The following EP400 variants were observed in gnomAD, a reference collection of about 807,000 sequenced individuals.
The protein encoded by EP400 is E1A binding protein p400.
Under a neutral mutation model 354.1 loss-of-function variants are expected in EP400, and 105 were observed. The observed-to-expected ratio is 0.30, with a 90% confidence interval of 0.25 to 0.35. EP400 has a LOEUF of 0.35. Ranked by LOEUF, EP400 falls within the 10% of genes least tolerant of loss-of-function variation. EP400 has a pLI of 1.00. For synonymous variants in EP400, 1,646 were observed against 1,716.9 expected (o/e 0.96, Z 1.02); for missense variants, 3,280 against 4,121.0 (o/e 0.80, Z 5.59).
At chr12:131,967,081 C>CA (rs1566164388) in intron 2 of EP400, among the ~76,000 whole-genome samples, 1 of 151,282 alleles carries the variant, frequency 6.6e-6, no homozygotes, top group Non-Finnish European at 1.5e-5. Context: ...GACCCTGTCT[C>CA]AAAAAAATAA....
Position 132,055,219 on chromosome 12 carries a change from C to G in EP400, c.7884+11C>G. 1 of 1,548,192 alleles carries G rather than the reference C, an allele frequency of 6.5e-7. No homozygotes were observed. The highest frequency in any genetic ancestry group is 8.7e-7 in the Non-Finnish European group (1 of 1,145,328). On this transcript the variant is annotated intron_variant, in intron 45 of 52. Coordinates refer to ENST00000389561, the MANE Select transcript of EP400 (RefSeq NM_015409.5). ...CCTGGGGCCTTGACTGTGAGTTGCG[C>G]TTCACCTGGGTTGTGCACCTTGACT...
At chr12:131,954,169 T>G (rs1891613712) in intron 1 of EP400, among the ~76,000 whole-genome samples, 1 of 152,048 alleles carries the variant, frequency 6.6e-6, no homozygotes. Flanking sequence ...TTAGTTTCCA[T>G]TAAACATTTT....
At position 132,018,239 on chromosome 12, in the gene EP400, C is replaced by A. The variant is rs754989535; in HGVS notation, c.4140C>A (p.Ile1380=). ...CAGATCTTTCTATGTTTGATCTCAT[C>A]GGCTTAGAAAATAAAATCACTCGTC... The part of the protein sequence containing the change: ...KEADLSMFDL[I]GLENKITRHE... Residue 1380 remains isoleucine, a synonymous_variant, in exon 21 of 53, where the codon ATC becomes ATA. Transcript: ENST00000389561. This position sits in a 1 kb window ranked among gnomAD's most constrained non-coding sequence, Gnocchi z 4.0. The A allele has an allele frequency of 6.2e-7, 1 of 1,613,006 alleles. No homozygotes were observed. The highest frequency in any genetic ancestry group is 1.3e-5 in the African/African-American group (1 of 74,874).
intron 19 of EP400, among the ~76,000 whole-genome samples, chr12:132,015,607 G>A (rs545924618): frequency 4.6e-5 from 7 of 152,288 alleles, no homozygotes; most frequent in African/African-American, 1.4e-4. Context: ...GTGAGAGGCT[G>A]GTGGCCCTGG....
rs760998078 is a variant in EP400, at chr12:132,028,275, G to A, written c.5368G>A (p.Asp1790Asn). The A allele has an allele frequency of 8.1e-6, 13 of 1,613,624 alleles. No individual in the cohort carries two copies. The highest frequency in any genetic ancestry group is 4.0e-5 in the African/African-American group (3 of 74,900). ...TLCRCGESLQ[D>N]VIDRVAFVIP... ...TTGTCGGTGTGGAGAGTCTCTGCAG[G>A]ATGTTATTGACAGGTACTGCAGACC... The change falls in exon 27 of 53, where the codon GAT becomes AAT. Residue 1790 changes from aspartate (D) to asparagine (N), a missense_variant. This residue lies in a region of EP400 where 459 missense variants were observed against 496.9 expected (regional missense o/e 0.92). Transcript: ENST00000389561.
chr12:132,025,433 G>A lies in EP400; in HGVS notation c.4856-213G>A, dbSNP rs1182852646. Among the ~76,000 whole-genome samples, 1 of 152,164 alleles carries A rather than the reference G, an allele frequency of 6.6e-6. No individual in the cohort carries two copies. Among genetic ancestry groups the A allele is most frequent in the African/African-American group, 2.4e-5 (1 of 41,408 alleles). On this transcript the variant is annotated intron_variant, in intron 24 of 52. Coordinates refer to ENST00000389561, the MANE Select transcript of EP400 (RefSeq NM_015409.5). This position sits in a 1 kb window ranked among gnomAD's most constrained non-coding sequence, Gnocchi z 4.1. ...AGGGTAGATGGCCTTTTCTTGACAT[G>A]GAGCAAGATACCTTGTCTCTTAGTG...
chr12:132,063,042 G>T (rs558903331), intron 47 of EP400, among the ~76,000 whole-genome samples: 1 of 152,296 alleles, frequency 6.6e-6, no homozygotes, highest in Admixed American at 6.5e-5. Flanking sequence ...GAAAGTGCTG[G>T]TGAGAAGATA....
chr12:132,044,690 T>A lies in EP400; in HGVS notation c.6605T>A (p.Val2202Asp), dbSNP rs1291722925. ...AYSMEYVYED[V>D]DGQTEVMPLW... ...CTACAGGAGTATGTCTACGAAGATG[T>A]CGATGGGCAGACAGAAGTCATGCCG... Residue 2202 changes from valine to aspartate, a missense_variant, in exon 36 of 53, where the codon GTC (valine) becomes GAC (aspartate). Physicochemically the swap from Val to Asp is radical, Grantham distance 152. Coordinates refer to ENST00000389561, the MANE Select transcript of EP400 (RefSeq NM_015409.5). 1 of 1,614,020 alleles carries A rather than the reference T, an allele frequency of 6.2e-7. No individual in the cohort carries two copies. Among genetic ancestry groups the A allele is most frequent in the Non-Finnish European group, 8.5e-7 (1 of 1,180,024 alleles).
intron 2 of EP400, among the ~76,000 whole-genome samples, chr12:131,978,233 A>G (rs1035877173): frequency 1.3e-5 from 2 of 152,200 alleles, no homozygotes; most frequent in African/African-American, 2.4e-5. Context: ...ATTTTTAAAC[A>G]TACCCCATTG....
intron 2 of EP400, among the ~76,000 whole-genome samples, chr12:131,974,845 C>G (rs954943638): frequency 2.0e-5 from 3 of 151,830 alleles, no homozygotes; most frequent in African/African-American, 7.3e-5. Context: ...AAAAAATTAG[C>G]CGGGCTTGGT....
At chr12:131,973,214 G>T (rs1235958703) in intron 2 of EP400, among the ~76,000 whole-genome samples, 1 of 151,890 alleles carries the variant, frequency 6.6e-6, no homozygotes, top group Non-Finnish European at 1.5e-5. Flanking sequence ...CTAGTTTTAG[G>T]TTATGTCTGT....
At position 131,966,108 on chromosome 12, in the gene EP400, G is replaced by C. The variant is rs572738117; in HGVS notation, c.1335+4154G>C. On this transcript the variant is annotated intron_variant, in intron 2 of 52. Coordinates refer to ENST00000389561, the MANE Select transcript of EP400 (RefSeq NM_015409.5). Reference sequence around the variant, plus strand: ...GTTGAACTTTATTAAGAACCCGTCCGGCCGGGTGCAGTGGCACACACCTGT... The same window carrying C: ...GTTGAACTTTATTAAGAACCCGTCCCGCCGGGTGCAGTGGCACACACCTGT... Among the ~76,000 whole-genome samples, 310 of 152,064 alleles carry C rather than the reference G, an allele frequency of 2.0e-3. 1 individual carries two copies. The highest frequency in any genetic ancestry group is 7.1e-3 in the African/African-American group (294 of 41,462).
At position 132,078,123 on chromosome 12, in the gene EP400, C is replaced by G. The variant is rs1896294119; in HGVS notation, c.*450C>G. 6.2e-6 allele frequency: 1 copy of G among 160,314 alleles called. No homozygotes were observed. The highest frequency in any genetic ancestry group is 1.4e-5 in the Non-Finnish European group (1 of 72,784). The allele number at this position is 160,314 out of a possible 1,614,324, so 9.9% of individuals were successfully genotyped here. A position where few individuals can be genotyped will look rare whatever the true frequency, so the allele number is the denominator to read the frequency against. On this transcript the variant is annotated 3_prime_UTR_variant, in exon 53 of 53. Coordinates refer to ENST00000389561, the MANE Select transcript of EP400 (RefSeq NM_015409.5). ...TCTGCCAGAGTTTAGTTCTTTATAC[C>G]TTACTGAAAAATGCCTCGTGGTCTT...
intron 3 of EP400, among the ~76,000 whole-genome samples, chr12:131,980,781 C>G (rs981061292): frequency 3.9e-5 from 6 of 152,288 alleles, no homozygotes; most frequent in African/African-American, 1.4e-4. Context: ...TCTCAAACTC[C>G]TGGGCTCAAG....
At chr12:131,977,593 G>GCA (rs150147897) in intron 2 of EP400, among the ~76,000 whole-genome samples, 7 of 151,448 alleles carry the variant, frequency 4.6e-5, no homozygotes, top group African/African-American at 9.7e-5. Context: ...ATTTAGAAAC[G>GCA]CACACACACA....
At chr12:131,980,330 A>G (rs1008078532) in intron 3 of EP400, among the ~76,000 whole-genome samples, 1 of 152,214 alleles carries the variant, frequency 6.6e-6, no homozygotes. Context: ...GCGATCATAT[A>G]TAAGTTGTTA....
At chr12:132,022,926 A>G (rs1894168834) in intron 23 of EP400, among the ~76,000 whole-genome samples, 1 of 152,150 alleles carries the variant, frequency 6.6e-6, no homozygotes, top group African/African-American at 2.4e-5. Flanking sequence ...GGTGACAGCC[A>G]GACCCTGTCT....
At chr12:132,034,563 G>T (rs920261272) in intron 30 of EP400, among the ~76,000 whole-genome samples, 1 of 152,254 alleles carries the variant, frequency 6.6e-6, no homozygotes, top group African/African-American at 2.4e-5. Flanking sequence ...GCGGGTGGGA[G>T]TGTGCCCCAC....
At chr12:132,009,186 C>T (rs1482250202) in intron 15 of EP400, among the ~76,000 whole-genome samples, 2 of 151,798 alleles carry the variant, frequency 1.3e-5, no homozygotes, top group African/African-American at 4.8e-5. Flanking sequence ...CCTGCCTTGG[C>T]TGCCCAAAGT....
Sources: allele counts gnomAD v4.1 joint callset (sites outside exome capture counted in the v4.1 genomes callset), GRCh38; gene constraint gnomAD v4.1.1; regional missense constraint gnomAD v4.1.1; non-coding constraint Gnocchi (gnomAD v3.1); transcripts MANE v1.5; gene names NCBI Gene and HGNC (gene_info 2026-07-23, HGNC 2026-07-21).